GPR158: variants seen among roughly 807,000 people sequenced by gnomAD.
The protein encoded by GPR158 is metabotropic glycine receptor.
A neutral mutation model predicts 78.2 loss-of-function variants in GPR158; 30 were observed. That is an observed-to-expected ratio of 0.38 (90% CI 0.29 to 0.52). GPR158 has a LOEUF of 0.52. Among genes scored for constraint, GPR158 ranks in the 20% least tolerant of loss-of-function variants. GPR158 has a pLI of 0.83. For synonymous variants in GPR158, 581 were observed against 591.1 expected, an observed-to-expected ratio of 0.98 and a Z score of 0.25; for missense variants, 1,463 against 1,523.5, an observed-to-expected ratio of 0.96 and a Z score of 0.66.
intron 2 of GPR158, among the ~76,000 whole-genome samples, chr10:25,233,923 T>C (rs1334078861): frequency 6.6e-6 from 1 of 152,214 alleles, no homozygotes; most frequent in Non-Finnish European, 1.5e-5. Context: ...TATTTTTTAT[T>C]TTGGAAAATA....
chr10:25,368,047 A>T (rs183435063), intron 2 of GPR158, among the ~76,000 whole-genome samples: 1 of 151,998 alleles, frequency 6.6e-6, no homozygotes, highest in South Asian at 2.1e-4. Context: ...CCTTACTCAG[A>T]TGTGGTGTCT....
At chr10:25,297,653 G>A (rs1854535515) in intron 2 of GPR158, among the ~76,000 whole-genome samples, 1 of 152,194 alleles carries the variant, frequency 6.6e-6, no homozygotes, top group African/African-American at 2.4e-5. Flanking sequence ...TTCAGATGGA[G>A]ATTAAAGACG....
intron 4 of GPR158, among the ~76,000 whole-genome samples, chr10:25,422,852 C>CCG (rs942801103): frequency 4.3e-5 from 6 of 138,634 alleles, no homozygotes; most frequent in Non-Finnish European, 9.7e-5. Context: ...ATTCCCTTAC[C>CCG]CCCCCCACAC....
At chr10:25,584,326 A>T (rs1374978984) in intron 7 of GPR158, among the ~76,000 whole-genome samples, 2 of 152,114 alleles carry the variant, frequency 1.3e-5, no homozygotes, top group Admixed American at 1.3e-4. Context: ...TACGAAACTG[A>T]TTTTTTTCCT....
intron 2 of GPR158, among the ~76,000 whole-genome samples, chr10:25,283,743 AAC>A: frequency 1.3e-5 from 2 of 152,108 alleles, no homozygotes; most frequent in Middle Eastern, 6.8e-3. Context: ...AATAATCTAA[AAC>A]AATTAATTTT....
At chr10:25,339,793 A>G (rs1320836254) in intron 2 of GPR158, among the ~76,000 whole-genome samples, 1 of 152,044 alleles carries the variant, frequency 6.6e-6, no homozygotes, top group African/African-American at 2.4e-5. Context: ...TATTCTGTTA[A>G]TGTGCTGAAC....
At position 25,175,740 on chromosome 10, in the gene GPR158, G is replaced by A. The variant is rs780245556; in HGVS notation, c.320G>A (p.Gly107Asp). The A allele has an allele frequency of 3.0e-5, 48 of 1,611,384 alleles. 1 individual carries two copies. The South Asian group carries it at 5.2e-4, about 17-fold the overall frequency. The change falls in exon 1 of 11, where the codon GGC (glycine) becomes GAC (aspartate). Residue 107 changes from glycine (G) to aspartate (D), a missense_variant. Gly to Asp is a moderately conservative substitution (Grantham distance 94). Coordinates refer to ENST00000376351, the MANE Select transcript of GPR158 (RefSeq NM_020752.3). This position sits in a 1 kb window ranked among gnomAD's most constrained non-coding sequence, Gnocchi z 6.4. ...TGCTCCGGCCGCTACGAGTTGGCGG[G>A]CCTGCCGGGGAAGTGGCCAGCCCTG... ...ANCSGRYELA[G>D]LPGKWPALAS...
intron 5 of GPR158, among the ~76,000 whole-genome samples, chr10:25,528,397 T>A (rs145091564): frequency 1.3e-5 from 2 of 152,098 alleles, no homozygotes; most frequent in African/African-American, 4.8e-5. Context: ...AAAATATACA[T>A]ACAACATAAT....
At chr10:25,502,120 A>T (rs1041083365) in intron 5 of GPR158, among the ~76,000 whole-genome samples, 1 of 152,186 alleles carries the variant, frequency 6.6e-6, no homozygotes, top group Non-Finnish European at 1.5e-5. Context: ...AGATGAAACA[A>T]TTCAGCCCAG....
intron 1 of GPR158, among the ~76,000 whole-genome samples, chr10:25,190,098 G>A (rs111294833): frequency 0.012 from 1,844 of 152,110 alleles, 42 homozygotes; most frequent in African/African-American, 0.042. Context: ...TAGTTGAGGA[G>A]TTAAGTTCTT....
Position 25,601,175 on chromosome 10 carries a change from A to ATT in GPR158, c.*1905_*1906dup, listed in dbSNP as rs1837492377. 1 of 152,494 alleles carries ATT rather than the reference A, an allele frequency of 6.6e-6. No individual in the cohort carries two copies. Among genetic ancestry groups the ATT allele is most frequent in the Non-Finnish European group, 1.5e-5 (1 of 68,016 alleles). The allele number at this position is 152,494 out of a possible 1,614,324, so 9.4% of individuals were successfully genotyped here. A position where few individuals can be genotyped will look rare whatever the true frequency, so the allele number is the denominator to read the frequency against. ...CAGAATTCTCCATATTCATCATCAA[A>ATT]TTTTTCTCAGTGATTTTTTTATTCA... On this transcript the variant is annotated 3_prime_UTR_variant, in exon 11 of 11. Coordinates refer to ENST00000376351, the MANE Select transcript of GPR158 (RefSeq NM_020752.3).
chr10:25,259,888 T>C (rs1045720128), intron 2 of GPR158, among the ~76,000 whole-genome samples: 12 of 152,134 alleles, frequency 7.9e-5, no homozygotes, highest in African/African-American at 2.9e-4. Flanking sequence ...TGACTTTTGC[T>C]GATGTGTATA....
intron 2 of GPR158, among the ~76,000 whole-genome samples, chr10:25,229,575 G>C (rs1042470137): frequency 3.3e-4 from 50 of 152,252 alleles, no homozygotes; most frequent in African/African-American, 1.1e-3. Context: ...GGCCAAGACA[G>C]GTTAAATAAC....
At chr10:25,454,663 A>C (rs919272159) in intron 4 of GPR158, among the ~76,000 whole-genome samples, 1 of 152,130 alleles carries the variant, frequency 6.6e-6, no homozygotes, top group Admixed American at 6.6e-5. Flanking sequence ...GCCTCCACCC[A>C]CCCTGTCTGC....
chr10:25,534,466 G>A (rs193035957), intron 5 of GPR158, among the ~76,000 whole-genome samples: 8 of 151,538 alleles, frequency 5.3e-5, no homozygotes, highest in East Asian at 1.9e-4. Context: ...ATAAAACCCC[G>A]TCTGTACTAA....
At chr10:25,568,060 A>C (rs1027058092) in intron 6 of GPR158, among the ~76,000 whole-genome samples, 3 of 152,194 alleles carry the variant, frequency 2.0e-5, no homozygotes, top group African/African-American at 7.2e-5. Flanking sequence ...TGCTTTGTAC[A>C]GTTAGATAGG....
At chr10:25,239,436 G>A (rs566713893) in intron 2 of GPR158, among the ~76,000 whole-genome samples, 2 of 151,960 alleles carry the variant, frequency 1.3e-5, no homozygotes, top group Admixed American at 6.6e-5. Flanking sequence ...GTGAAACCCC[G>A]TCTCTGCTAA....
intron 4 of GPR158, among the ~76,000 whole-genome samples, chr10:25,416,495 C>T (rs1259373179): frequency 6.6e-6 from 1 of 152,088 alleles, no homozygotes; most frequent in Non-Finnish European, 1.5e-5. Context: ...CTTCCATCCC[C>T]ATCCTCAAAA....
chr10:25,272,277 T>A (rs1309721878), intron 2 of GPR158, among the ~76,000 whole-genome samples: 1 of 152,206 alleles, frequency 6.6e-6, no homozygotes, highest in Non-Finnish European at 1.5e-5. Flanking sequence ...TTTTTAGGAA[T>A]GTATTGTTTT....
Sources: gnomAD v4.1 joint callset for allele counts (sites outside exome capture counted in the v4.1 genomes callset) on GRCh38, gnomAD v4.1.1 for gene constraint, Gnocchi (gnomAD v3.1) non-coding constraint, MANE v1.5 for transcripts, NCBI Gene and HGNC (gene_info 2026-07-23, HGNC 2026-07-21) for gene names.